POLD1: variants seen among roughly 807,000 people sequenced by gnomAD.
POLD1 encodes the protein DNA polymerase delta catalytic subunit.
POLD1 carries 79 observed loss-of-function variants against 129.7 expected under a neutral mutation model. The ratio of observed to expected loss-of-function variants is 0.61; its 90% CI spans 0.51 to 0.73. The LOEUF is 0.73. Among genes scored for constraint, POLD1 ranks in the 30% least tolerant of loss-of-function variants. The probability of loss-of-function intolerance (pLI) is 0.00; values close to 1 mark genes in which losing one functional copy is unlikely to be tolerated. For missense variants in POLD1, 1,338 were observed against 1,595.8 expected, an observed-to-expected ratio of 0.84 and a Z score of 2.75; for synonymous variants, 714 against 683.3, an observed-to-expected ratio of 1.04 and a Z score of -0.70.
In POLD1 at chr19:50,406,418, G is replaced by C; in HGVS notation, c.1395G>C (p.Arg465=). 3 of 1,602,964 alleles carry C rather than the reference G, an allele frequency of 1.9e-6. No individual in the cohort carries two copies. Among genetic ancestry groups the C allele is most frequent in the Non-Finnish European group, 2.6e-6 (3 of 1,174,604 alleles). The change falls in exon 12 of 27, where the codon CGG becomes CGC. Residue 465 remains arginine, a synonymous_variant. Coordinates refer to ENST00000440232, the MANE Select transcript of POLD1 (RefSeq NM_002691.4). This position sits in a 1 kb window ranked among gnomAD's most constrained non-coding sequence, Gnocchi z 5.5. ...VQMDMLQVLL[R]EYKLRSYTLN... ...ACCCACCCACCTAGGTGCTGCTGCG[G>C]GAGTACAAGCTCCGCTCCTACACGC...
chr19:50,388,762 C>G (rs1308915645), intron 1 of POLD1, among the ~76,000 whole-genome samples: 1 of 147,464 alleles, frequency 6.8e-6, no homozygotes, highest in Non-Finnish European at 1.5e-5. Flanking sequence ...CTTTTTTTGG[C>G]TGAACTATTT....
At chr19:50,397,090 C>CA (rs781378096) in intron 1 of POLD1, among the ~76,000 whole-genome samples, 1,981 of 77,534 alleles carry the variant, frequency 0.026, 73 homozygotes, top group East Asian at 0.22. Flanking sequence ...GACTCCATCT[C>CA]AAAAAAAAAA....
In POLD1 at chr19:50,415,483, CCTG is replaced by C; in HGVS notation, c.2614_2616del (p.Leu872del). On this transcript the variant is annotated inframe_deletion, in exon 21 of 27. Coordinates refer to ENST00000440232, the MANE Select transcript of POLD1 (RefSeq NM_002691.4). Reference sequence around the variant, plus strand: ...CTCACGCACAGGACGTCATCTCGGACCTGCTGTGCAACCGCATCGATATCTCCC... The same window carrying C: ...CTCACGCACAGGACGTCATCTCGGACCTGTGCAACCGCATCGATATCTCCC... 1 of 1,613,316 alleles carries C rather than the reference CCTG, an allele frequency of 6.2e-7. No individual in the cohort carries two copies. Among genetic ancestry groups the C allele is most frequent in the Non-Finnish European group, 8.5e-7 (1 of 1,179,950 alleles).
chr19:50,407,539 A>T (rs965355634), intron 14 of POLD1, 124 bp downstream of exon 14: 5 of 429,354 alleles, frequency 1.2e-5, no homozygotes, highest in Admixed American at 8.6e-5. Flanking sequence ...GCTCCACAAA[A>T]TTTTTTTATT....
At position 50,401,804 on chromosome 19, in the gene POLD1, C is replaced by T. The variant is rs754917939; in HGVS notation, c.343C>T (p.Pro115Ser). Residue 115 changes from proline (P) to serine (S), a missense_variant, in exon 4 of 27, where the codon CCC becomes TCC. Around this residue, in one of 3 missense-constraint regions of POLD1, gnomAD observed 332 missense variants for 315.7 expected, o/e 1.05. Transcript: ENST00000440232. ...CCCAGCGCAGCCTGTGCCTGGGGGG[C>T]CCCCACCATCCCGCGGCTCCGTGCC... ...VGPAQPVPGG[P>S]PPSRGSVPVL... 12 of 1,612,738 alleles carry T rather than the reference C, an allele frequency of 7.4e-6. No homozygotes were observed. The highest frequency in any genetic ancestry group is 1.0e-5 in the Non-Finnish European group (12 of 1,179,744).
intron 17 of POLD1, among the ~76,000 whole-genome samples, chr19:50,411,536 GAAT>G (rs1390899968): frequency 6.6e-6 from 1 of 152,186 alleles, no homozygotes; most frequent in Non-Finnish European, 1.5e-5. Flanking sequence ...GCAAGAGGTG[GAAT>G]AATAAAAATG....
intron 5 of POLD1, 33 bp downstream of exon 5, chr19:50,402,157 G>C: frequency 6.3e-7 from 1 of 1,594,386 alleles, no homozygotes; most frequent in Non-Finnish European, 8.6e-7. Context: ...CGGGTTGGAG[G>C]GTCCCCTCGG....
intron 26 of POLD1, 49 bp from the exon 27 acceptor site, chr19:50,417,793 G>C: frequency 8.3e-7 from 1 of 1,201,530 alleles, no homozygotes; most frequent in South Asian, 1.3e-5. Context: ...TCCCAGGCTG[G>C]GCACTGGGCC....
At chr19:50,389,919 T>A (rs1264281257) in intron 1 of POLD1, among the ~76,000 whole-genome samples, 1 of 151,138 alleles carries the variant, frequency 6.6e-6, no homozygotes, top group Non-Finnish European at 1.5e-5. Context: ...TTGTTTTTTT[T>A]TTCTTTTTTG....
chr19:50,414,899 G>A lies in POLD1; in HGVS notation c.2473G>A (p.Asp825Asn), dbSNP rs2122466104. The A allele has an allele frequency of 2.5e-6, 4 of 1,609,748 alleles. No individual in the cohort carries two copies. Among genetic ancestry groups the A allele is most frequent in the Non-Finnish European group, 3.4e-6 (4 of 1,177,280 alleles). Residue 825 changes from aspartate (D) to asparagine (N), a missense_variant, in exon 20 of 27, where the codon GAC becomes AAC. Coordinates refer to ENST00000440232, the MANE Select transcript of POLD1 (RefSeq NM_002691.4). ...CCGGCCCGACGCCCACGACCGCATG[G>A]ACTGCAAGGGCCTGGAGGCCGTGCG... ...SSRPDAHDRM[D>N]CKGLEAVRRD...
Position 50,385,026 on chromosome 19 carries a change from A to T in POLD1, c.-2+636A>T, listed in dbSNP as rs144297171. On this transcript the variant is annotated intron_variant, in intron 1 of 26. Transcript: ENST00000440232. Reference sequence around the variant, plus strand: ...AAACACAGATGAGGTCGGAGTCATGATGGGGAACTAGATCCTATAGGGCCT... The same window carrying T: ...AAACACAGATGAGGTCGGAGTCATGTTGGGGAACTAGATCCTATAGGGCCT... Among the ~76,000 whole-genome samples the T allele has an allele frequency of 1.6e-3, 242 of 152,242 alleles. 2 individuals are homozygous for T. In the East Asian group the frequency reaches 0.023, roughly 14 times the overall value.
In POLD1 at chr19:50,402,469, G is replaced by C. The variant is rs1057522351; in HGVS notation, c.774G>C (p.Thr258=). 6.2e-7 allele frequency: 1 copy of C among 1,612,570 alleles called. No homozygotes were observed. The change falls in exon 7 of 27, where the codon ACG becomes ACC. Residue 258 remains threonine (T), a synonymous_variant. Coordinates refer to ENST00000440232, the MANE Select transcript of POLD1 (RefSeq NM_002691.4). ...CCCCCTCCAGGTTCATGGTGGACACGGACATCGTCGGCTGCAACTGGCTGG... is the reference window on the plus strand; with the variant it reads ...CCCCCTCCAGGTTCATGGTGGACACCGACATCGTCGGCTGCAACTGGCTGG... ...VDFEIRFMVD[T]DIVGCNWLEL... is the part of the protein sequence containing the mutation.
chr19:50,403,198 G>A lies in POLD1; in HGVS notation c.1116G>A (p.Glu372=). The change falls in exon 9 of 27, where the codon GAG becomes GAA. Residue 372 remains glutamate, a synonymous_variant. Transcript: ENST00000440232. Reference sequence around the variant, plus strand: ...TGGGTGCCAAGGTGCAGAGCTACGAGAAGGAGGAGGACCTGCTGCAGGTAG... The same window carrying A: ...TGGGTGCCAAGGTGCAGAGCTACGAAAAGGAGGAGGACCTGCTGCAGGTAG... ...PILGAKVQSY[E]KEEDLLQAWS... is the part of the protein sequence containing the mutation. 6.4e-7 allele frequency: 1 copy of A among 1,560,548 alleles called. No individual in the cohort carries two copies. Among genetic ancestry groups the A allele is most frequent in the Middle Eastern group, 1.9e-4 (1 of 5,376 alleles).
intron 1 of POLD1, among the ~76,000 whole-genome samples, chr19:50,385,864 C>T (rs914689457): frequency 4.0e-5 from 6 of 151,828 alleles, no homozygotes; most frequent in African/African-American, 1.5e-4. Context: ...CCCCACAGGT[C>T]TCTCTTCCCC....
In POLD1 at chr19:50,413,428, C is replaced by T. The variant is rs760678755; in HGVS notation, c.2157C>T (p.Ser719=). ...GKLPCLEISQ[S]VTGFGRQMIE... Reference sequence around the variant, plus strand: ...CCGCATGATTCTCTCCCCGACAGAGCGTCACGGGGTTCGGACGTCAGATGA... The same window carrying T: ...CCGCATGATTCTCTCCCCGACAGAGTGTCACGGGGTTCGGACGTCAGATGA... Residue 719 remains serine, a splice_region_variant and synonymous_variant, in exon 18 of 27, where the codon AGC becomes AGT. Transcript: ENST00000440232. The T allele has an allele frequency of 1.4e-5, 22 of 1,612,390 alleles. No individual in the cohort carries two copies. The highest frequency in any genetic ancestry group is 3.3e-5 in the Admixed American group (2 of 59,924).
chr19:50,413,594 C>G, intron 18 of POLD1, 73 bp downstream of exon 18: 6 of 1,537,516 alleles, frequency 3.9e-6, no homozygotes, highest in Non-Finnish European at 5.4e-6. Context: ...GCCGGACCCC[C>G]ATGTCCCCGT....
At chr19:50,415,303 TG>T in intron 20 of POLD1, 134 bp from the exon 21 acceptor site, 1 of 869,710 alleles carries the variant, frequency 1.1e-6, no homozygotes, top group Non-Finnish European at 1.8e-6. Context: ...CTGCAGCCTA[TG>T]GTAGGAAGGG....
intron 22 of POLD1, 21 bp downstream of exon 22, chr19:50,415,847 T>A: frequency 7.0e-7 from 1 of 1,429,026 alleles, no homozygotes; most frequent in Non-Finnish European, 9.4e-7. Flanking sequence ...CCTGGCTGCC[T>A]GCTCCCGCCC....
At position 50,417,076 on chromosome 19, in the gene POLD1, G is replaced by C; in HGVS notation, c.3099G>C (p.Glu1033Asp). The change falls in exon 25 of 27, where the codon GAG becomes GAC. Residue 1033 changes from glutamate (E) to aspartate (D), a missense_variant. Physicochemically the swap from Glu to Asp is conservative, Grantham distance 45. This residue lies in a region of POLD1 where 286 missense variants were observed against 277.5 expected (regional missense o/e 1.03). Coordinates refer to ENST00000440232, the MANE Select transcript of POLD1 (RefSeq NM_002691.4). ...TGTGTGAGTTCTGCCAGCCCCGGGA[G>C]TCTGAGCTGTATCAGAAGGAGGTGA... is the stretch of plus-strand genomic sequence containing the variant. Reference protein sequence around the residue: ...GAVCEFCQPRESELYQKEVSH... With the variant: ...GAVCEFCQPRDSELYQKEVSH... 2.6e-6 allele frequency: 4 copies of C among 1,555,072 alleles called. No homozygotes were observed. Among genetic ancestry groups the C allele is most frequent in the Non-Finnish European group, 3.5e-6 (4 of 1,148,918 alleles).
Sources: allele counts gnomAD v4.1 joint callset (sites outside exome capture counted in the v4.1 genomes callset), GRCh38; gene constraint gnomAD v4.1.1; regional missense constraint gnomAD v4.1.1; non-coding constraint Gnocchi (gnomAD v3.1); transcripts MANE v1.5; gene names NCBI Gene and HGNC (gene_info 2026-07-23, HGNC 2026-07-21).